Variants in ZNF449 observed in about 807,000 individuals in gnomAD.
The protein encoded by ZNF449 is zinc finger and SCAN domain-containing protein 19.
ZNF449 carries 4 observed loss-of-function variants against 32.6 expected under a neutral mutation model. The ratio of observed to expected loss-of-function variants is 0.12; its 90% CI spans 0.06 to 0.28. The LOEUF (loss-of-function observed/expected upper bound fraction) is 0.28. Ranked by LOEUF, ZNF449 falls within the 10% of genes least tolerant of loss-of-function variation. ZNF449 has a pLI of 1.00. For missense variants in ZNF449, 275 were observed against 383.2 expected (o/e 0.72, Z 2.36); for synonymous variants, 123 against 132.2 (o/e 0.93, Z 0.48).
intron 3 of ZNF449, among the ~76,000 whole-genome samples, chrX:135,355,760 G>GT (rs1556451749): frequency 9.0e-6 from 1 of 111,441 alleles, no homozygotes; most frequent in African/African-American, 3.3e-5. Flanking sequence ...ACAATTTAAT[G>GT]TTTTTTGGTA....
Position 135,360,795 on chromosome X carries a change from C to G in ZNF449, c.1276C>G (p.Leu426Val), listed in dbSNP as rs782690025. The G allele has an allele frequency of 1.5e-5, 18 of 1,209,744 alleles. No individual in the cohort carries two copies. In the South Asian group the frequency reaches 2.6e-4, roughly 18 times the overall value. Reference sequence around the variant, plus strand: ...TCATGGATCAAGTCTTAAAAGACATCTGAAAACTCATACAGGTGAAAAACC... The same window carrying G: ...TCATGGATCAAGTCTTAAAAGACATGTGAAAACTCATACAGGTGAAAAACC... The part of the protein sequence containing the change: ...FCHGSSLKRH[L>V]KTHTGEKPHR... Residue 426 changes from leucine (L) to valine (V), a missense_variant, in exon 5 of 5, where the codon CTG (leucine) becomes GTG (valine). By Grantham distance (32) the Leu-to-Val change is conservative (BLOSUM62 1). Coordinates refer to ENST00000339249, the MANE Select transcript of ZNF449 (RefSeq NM_152695.6).
chrX:135,360,095 A>G (rs2084937580), intron 4 of ZNF449, 90 bp downstream of exon 4: 2 of 1,094,580 alleles, frequency 1.8e-6, no homozygotes, highest in Non-Finnish European at 1.2e-6. Flanking sequence ...AGGAATTTCT[A>G]TGTTCCTGCC....
At chrX:135,357,143 G>T (rs1324817322) in intron 3 of ZNF449, among the ~76,000 whole-genome samples, 1 of 111,621 alleles carries the variant, frequency 9.0e-6, no homozygotes, top group Non-Finnish European at 1.9e-5. Flanking sequence ...TAATTTTGAT[G>T]AAGTCATATG....
chrX:135,347,955 T>C (rs376972271), intron 2 of ZNF449: 38 of 197,017 alleles, frequency 1.9e-4, no homozygotes, highest in African/African-American at 1.1e-3. Context: ...CTGAATCAAG[T>C]CTAGAAGGAA....
At chrX:135,354,914 C>A (rs1286953751) in intron 3 of ZNF449, among the ~76,000 whole-genome samples, 2 of 111,166 alleles carry the variant, frequency 1.8e-5, no homozygotes, top group East Asian at 5.7e-4. Flanking sequence ...GGTGTCTGGG[C>A]CTGGTTTTGA....
chrX:135,353,139 G>A (rs1409808865), intron 3 of ZNF449, among the ~76,000 whole-genome samples: 1 of 111,110 alleles, frequency 9.0e-6, no homozygotes, highest in African/African-American at 3.3e-5. Context: ...TTCTCCATAG[G>A]TTACCTAAGT....
Position 135,361,358 on chromosome X carries a change from G to A in ZNF449, c.*282G>A, listed in dbSNP as rs782621456. 4.2e-4 allele frequency: 98 copies of A among 234,810 alleles called. No individual in the cohort carries two copies. The highest frequency in any genetic ancestry group is 5.9e-4 in the Non-Finnish European group (78 of 133,078). 19.4% of individuals were successfully genotyped at this position (234,810 alleles called of 1,213,427 possible). Reference sequence around the variant, plus strand: ...GTTCCAAGGCAACTGTATCATAGGTGTAAACATAAAGCATATAAATTATGA... The same window carrying A: ...GTTCCAAGGCAACTGTATCATAGGTATAAACATAAAGCATATAAATTATGA... On this transcript the variant is annotated 3_prime_UTR_variant, in exon 5 of 5. Transcript: ENST00000339249.
At chrX:135,359,545 A>G (rs1042611241) in intron 3 of ZNF449, among the ~76,000 whole-genome samples, 2 of 111,571 alleles carry the variant, frequency 1.8e-5, no homozygotes, top group Non-Finnish European at 3.8e-5. Flanking sequence ...AGTGTTTCCC[A>G]GTATTAATAT....
chrX:135,345,649 T>A (rs782435110), intron 1 of ZNF449, among the ~76,000 whole-genome samples: 11 of 112,334 alleles, frequency 9.8e-5, no homozygotes, highest in Admixed American at 1.9e-4. Context: ...GCACTGGGTG[T>A]CAGGGTCACA....
Position 135,360,193 on chromosome X carries a change from G to A in ZNF449, c.674G>A (p.Gly225Asp), listed in dbSNP as rs1602691931. ...CTGCAGTTTCTATTTCTTCTCTCAG[G>A]TTTTGAGATCGGGATAGAAAATGAA... Reference protein sequence around the residue: ...EMKQLLDSKIGFEIGIENEED... With the variant: ...EMKQLLDSKIDFEIGIENEED... The change falls in exon 5 of 5, where the codon GGT (glycine) becomes GAT (aspartate). Residue 225 changes from glycine (G) to aspartate (D), a missense_variant and splice_region_variant. Transcript: ENST00000339249. 1 of 1,172,061 alleles carries A rather than the reference G, an allele frequency of 8.5e-7. No individual in the cohort carries two copies. The highest frequency in any genetic ancestry group is 1.1e-6 in the Non-Finnish European group (1 of 880,517).
chrX:135,345,205 A>G (rs1261310114), intron 1 of ZNF449, among the ~76,000 whole-genome samples: 1 of 112,720 alleles, frequency 8.9e-6, no homozygotes, highest in African/African-American at 3.2e-5. Flanking sequence ...CTTTACACAC[A>G]TCGCTTTTCT....
intron 3 of ZNF449, among the ~76,000 whole-genome samples, 195 bp from the exon 4 acceptor site, chrX:135,359,697 T>C (rs889983927): frequency 8.9e-6 from 1 of 112,117 alleles, no homozygotes. Flanking sequence ...AGAATAGCTT[T>C]GAATTGAACA....
chrX:135,352,768 A>G (rs1387484220), intron 3 of ZNF449, among the ~76,000 whole-genome samples: 1 of 112,139 alleles, frequency 8.9e-6, no homozygotes, highest in Non-Finnish European at 1.9e-5. Context: ...ATAAGCTAAT[A>G]TCTAACCCCC....
At chrX:135,353,252 A>ATACCAT (rs2084898237) in intron 3 of ZNF449, among the ~76,000 whole-genome samples, 1 of 111,406 alleles carries the variant, frequency 9.0e-6, no homozygotes, top group Non-Finnish European at 1.9e-5. Flanking sequence ...TACCATACTT[A>ATACCAT]TACCATATTC....
chrX:135,353,426 C>CT (rs1421960857), intron 3 of ZNF449, among the ~76,000 whole-genome samples: 5 of 109,604 alleles, frequency 4.6e-5, no homozygotes, highest in African/African-American at 1.7e-4. Context: ...AAATAATTTC[C>CT]TTTTTTTTTC....
At chrX:135,360,056 AC>A in intron 4 of ZNF449, 51 bp downstream of exon 4, 2 of 1,093,023 alleles carry the variant, frequency 1.8e-6, no homozygotes, top group Non-Finnish European at 2.5e-6. Context: ...GAAAAATTTA[AC>A]CTAAATAAAG....
intron 3 of ZNF449, among the ~76,000 whole-genome samples, chrX:135,357,654 A>T (rs1333734117): frequency 9.0e-6 from 1 of 111,575 alleles, no homozygotes; most frequent in African/African-American, 3.2e-5. Context: ...TATATATTTT[A>T]GTACTCAGAA....
chrX:135,358,642 T>G (rs1263102944), intron 3 of ZNF449, among the ~76,000 whole-genome samples: 2 of 112,223 alleles, frequency 1.8e-5, no homozygotes, highest in Non-Finnish European at 3.8e-5. Flanking sequence ...TCTTTTCTCA[T>G]TACGTAATTA....
intron 4 of ZNF449, 50 bp from the exon 5 acceptor site, chrX:135,360,143 T>C: frequency 5.3e-6 from 6 of 1,140,591 alleles, no homozygotes; most frequent in Non-Finnish European, 7.0e-6. Flanking sequence ...CTTCACTTTC[T>C]TTTCTCCATG....
Sources: gnomAD v4.1 joint callset for allele counts (sites outside exome capture counted in the v4.1 genomes callset) on GRCh38, gnomAD v4.1.1 for gene constraint, MANE v1.5 for transcripts, NCBI Gene and HGNC (gene_info 2026-07-23, HGNC 2026-07-21) for gene names.